The following SNTB1 variants were observed in gnomAD, a reference collection of about 807,000 sequenced individuals.
SNTB1 encodes syntrophin beta 1.
Under a neutral mutation model 48.9 loss-of-function variants are expected in SNTB1, and 36 were observed. The observed-to-expected ratio is 0.74, with a 90% confidence interval of 0.56 to 0.97. The LOEUF is 0.97. SNTB1 is among the 50% of genes least tolerant of loss of function. The pLI is 0.00. For synonymous variants in SNTB1, 299 were observed against 294.6 expected (o/e 1.01, Z -0.15); for missense variants, 786 against 703.4 (o/e 1.12, Z -1.33).
chr8:120,552,898 G>A (rs1317313101), intron 4 of SNTB1, among the ~76,000 whole-genome samples: 1 of 152,078 alleles, frequency 6.6e-6, no homozygotes, highest in East Asian at 1.9e-4. Context: ...GGTCCCATCT[G>A]GGGGTGATGA....
At chr8:120,671,196 A>G (rs890546370) in intron 2 of SNTB1, among the ~76,000 whole-genome samples, 3 of 152,096 alleles carry the variant, frequency 2.0e-5, no homozygotes, top group Non-Finnish European at 2.9e-5. Flanking sequence ...ATCTCCCTAT[A>G]TAAGTCTTAT....
rs572301628 is a variant in SNTB1 at position 120,560,401 on chromosome 8, T to C, written c.1137-11443A>G. Among the ~76,000 whole-genome samples, 3 of 152,324 alleles carry C rather than the reference T, an allele frequency of 2.0e-5. No individual in the cohort carries two copies. In the South Asian group the frequency reaches 6.2e-4, roughly 32 times the overall value. ...GGGAGGCTGAGGTAGGAGAATCGCT[T>C]GAACCCTGGAGGCAGAGGTTGCAGT... On this transcript the variant is annotated intron_variant, in intron 4 of 6. Coordinates refer to ENST00000517992, the MANE Select transcript of SNTB1 (RefSeq NM_021021.4).
chr8:120,762,529 G>C (rs1819439324), intron 1 of SNTB1, among the ~76,000 whole-genome samples: 1 of 152,166 alleles, frequency 6.6e-6, no homozygotes, highest in South Asian at 2.1e-4. Flanking sequence ...CGGAGGGTAG[G>C]GGAAAAGCTT....
chr8:120,618,277 T>C (rs1441668389), intron 3 of SNTB1, among the ~76,000 whole-genome samples: 1 of 152,212 alleles, frequency 6.6e-6, no homozygotes, highest in Non-Finnish European at 1.5e-5. Flanking sequence ...TGTTTGTGAG[T>C]TCCCTGAGAA....
chr8:120,706,000 C>T (rs892448272), intron 1 of SNTB1, among the ~76,000 whole-genome samples: 4 of 152,124 alleles, frequency 2.6e-5, no homozygotes, highest in Admixed American at 1.3e-4. Context: ...AGGTATGTAA[C>T]CTCTGTGCCT....
chr8:120,668,230 A>G (rs1422924792), intron 2 of SNTB1, among the ~76,000 whole-genome samples: 2 of 152,160 alleles, frequency 1.3e-5, no homozygotes, highest in Non-Finnish European at 2.9e-5. Context: ...ATGGCTTGAG[A>G]GATCAAGGCA....
chr8:120,758,712 A>G (rs1474678672), intron 1 of SNTB1, among the ~76,000 whole-genome samples: 2 of 152,124 alleles, frequency 1.3e-5, no homozygotes, highest in Non-Finnish European at 2.9e-5. Context: ...AGCCAGAGAG[A>G]CTCAAGGACA....
Position 120,781,992 on chromosome 8 carries a change from C to T in SNTB1, c.571+29281G>A, listed in dbSNP as rs572241317. Among the ~76,000 whole-genome samples, 237 of 152,306 alleles carry T rather than the reference C, an allele frequency of 1.6e-3. 1 individual carries two copies. The highest frequency in any genetic ancestry group is 2.5e-3 in the Non-Finnish European group (169 of 68,026). ...AAGTGGCTTAAACAATGGAATTTTA[C>T]TGTCTCATTATTCTGGAGACAAGAA... On this transcript the variant is annotated intron_variant, in intron 1 of 6. Coordinates refer to ENST00000517992, the MANE Select transcript of SNTB1 (RefSeq NM_021021.4).
rs148664969 is a variant in SNTB1, at chr8:120,719,190, A to G, written c.572-25282T>C. On this transcript the variant is annotated intron_variant, in intron 1 of 6. Transcript: ENST00000517992. Reference sequence around the variant, plus strand: ...GGTTAACATTTGAGTCAGTGGGCTGAGAAAGGCAGACCCACCCTTAATCTG... The same window carrying G: ...GGTTAACATTTGAGTCAGTGGGCTGGGAAAGGCAGACCCACCCTTAATCTG... Among the ~76,000 whole-genome samples the G allele has an allele frequency of 9.7e-4, 147 of 152,296 alleles. 1 individual carries two copies. Among genetic ancestry groups the G allele is most frequent in the African/African-American group, 3.2e-3 (134 of 41,578 alleles).
In SNTB1 at chr8:120,536,686, TA is replaced by T. The variant is rs1563811360; in HGVS notation, c.*2190del. On this transcript the variant is annotated 3_prime_UTR_variant, in exon 7 of 7. Transcript: ENST00000517992. ...CAAATATATTTTCCTAAAATATAAATAATTAAATTAAATGTTTATAAATGTA... is the reference window on the plus strand; with the variant it reads ...CAAATATATTTTCCTAAAATATAAATATTAAATTAAATGTTTATAAATGTA... The T allele has an allele frequency of 2.6e-5, 4 of 152,220 alleles. No homozygotes were observed. The South Asian group carries it at 8.3e-4, about 32-fold the overall frequency. The allele number at this position is 152,220 out of a possible 1,614,324, so 9.4% of individuals were successfully genotyped here. A position where few individuals can be genotyped will look rare whatever the true frequency, so the allele number is the denominator to read the frequency against.
intron 6 of SNTB1, among the ~76,000 whole-genome samples, chr8:120,539,577 T>C (rs772161740): frequency 6.6e-6 from 1 of 152,242 alleles, no homozygotes; most frequent in Non-Finnish European, 1.5e-5. Context: ...TGAAGTCTTA[T>C]GCTTCTTGAT....
At chr8:120,601,590 C>A (rs184492744) in intron 3 of SNTB1, among the ~76,000 whole-genome samples, 3 of 152,146 alleles carry the variant, frequency 2.0e-5, no homozygotes, top group Non-Finnish European at 2.9e-5. Flanking sequence ...ACTTCATCTA[C>A]CTCTTGTGTC....
At chr8:120,809,919 G>T (rs1030979294) in intron 1 of SNTB1, among the ~76,000 whole-genome samples, 1 of 152,300 alleles carries the variant, frequency 6.6e-6, no homozygotes, top group South Asian at 2.1e-4. Context: ...ACATACCAGG[G>T]AGTTGCATCA....
At chr8:120,750,310 A>G (rs1819190385) in intron 1 of SNTB1, among the ~76,000 whole-genome samples, 1 of 152,172 alleles carries the variant, frequency 6.6e-6, no homozygotes, top group African/African-American at 2.4e-5. Flanking sequence ...TATTTATACA[A>G]TTAATCATTT....
At chr8:120,555,504 G>A (rs1250588470) in intron 4 of SNTB1, among the ~76,000 whole-genome samples, 1 of 152,164 alleles carries the variant, frequency 6.6e-6, no homozygotes, top group Non-Finnish European at 1.5e-5. Context: ...GTGGCCGGCA[G>A]AGAAGGGAAG....
chr8:120,655,070 C>A, intron 2 of SNTB1: 1 of 444,998 alleles, frequency 2.2e-6, no homozygotes, highest in Non-Finnish European at 4.5e-6. Flanking sequence ...AAATAAATAA[C>A]AGTGGTTAAC....
chr8:120,685,858 A>G (rs1163993008), intron 2 of SNTB1, among the ~76,000 whole-genome samples: 1 of 152,144 alleles, frequency 6.6e-6, no homozygotes, highest in East Asian at 1.9e-4. Context: ...TTGCTTAGAT[A>G]TTTCTTCCGT....
Position 120,647,152 on chromosome 8 carries a change from T to G in SNTB1, c.789-14501A>C, listed in dbSNP as rs1322694727. ...CATTAATTTTTTGAAGGGTTTTTTG[T>G]GTCTCTATTTCCTTCAGTTCTGCTC... On this transcript the variant is annotated intron_variant, in intron 2 of 6. Coordinates refer to ENST00000517992, the MANE Select transcript of SNTB1 (RefSeq NM_021021.4). Among the ~76,000 whole-genome samples the G allele has an allele frequency of 1.2e-3, 165 of 138,032 alleles. 1 individual carries two copies. The highest frequency in any genetic ancestry group is 3.1e-3 in the East Asian group (15 of 4,796). 90.6% of individuals were successfully genotyped at this position (138,032 alleles called of 152,430 possible).
At chr8:120,645,130 G>A (rs1209648580) in intron 2 of SNTB1, among the ~76,000 whole-genome samples, 1 of 151,154 alleles carries the variant, frequency 6.6e-6, no homozygotes, top group Admixed American at 6.6e-5. Flanking sequence ...TCACTCTGAT[G>A]GTAGTTTCTT....
Sources: allele counts gnomAD v4.1 joint callset (sites outside exome capture counted in the v4.1 genomes callset), GRCh38; gene constraint gnomAD v4.1.1; transcripts MANE v1.5; gene names NCBI Gene and HGNC (gene_info 2026-07-23, HGNC 2026-07-21).